The following RUNDC3B variants were observed in gnomAD, a reference collection of about 807,000 sequenced individuals.
RUNDC3B encodes the protein RUN domain-containing protein 3B.
RUNDC3B carries 33 observed loss-of-function variants against 58.4 expected under a neutral mutation model. That is an observed-to-expected ratio of 0.56 (90% CI 0.43 to 0.75). RUNDC3B has a LOEUF of 0.75. Among genes scored for constraint, RUNDC3B ranks in the 30% least tolerant of loss-of-function variants. RUNDC3B has a pLI of 0.00. For synonymous variants in RUNDC3B, 193 were observed against 195.2 expected (o/e 0.99, Z 0.10); for missense variants, 501 against 535.7 (o/e 0.94, Z 0.64).
intron 4 of RUNDC3B, among the ~76,000 whole-genome samples, chr7:87,719,009 A>C (rs1428766189): frequency 3.9e-5 from 6 of 152,084 alleles, no homozygotes; most frequent in Non-Finnish European, 2.9e-5. Context: ...ATTCAACAGT[A>C]CAGTAAACAT....
chr7:87,739,741 A>G (rs746048025), intron 4 of RUNDC3B, 50 bp from the exon 5 acceptor site: 2 of 838,548 alleles, frequency 2.4e-6, no homozygotes, highest in Non-Finnish European at 3.9e-6. Flanking sequence ...TCTCGATCAA[A>G]CTTCCATTTA....
chr7:87,825,663 C>CACTT (rs1394870661), intron 10 of RUNDC3B, among the ~76,000 whole-genome samples: 4 of 152,322 alleles, frequency 2.6e-5, no homozygotes, highest in Admixed American at 6.5e-5. Context: ...AAGCCACAGA[C>CACTT]ACTTAGCACC....
At chr7:87,827,423 A>C (rs1174067184) in intron 10 of RUNDC3B, among the ~76,000 whole-genome samples, 1 of 152,070 alleles carries the variant, frequency 6.6e-6, no homozygotes. Context: ...GGAGGCCGAG[A>C]TTGCAGTGAG....
At chr7:87,635,329 T>A (rs1821658556) in intron 1 of RUNDC3B, among the ~76,000 whole-genome samples, 1 of 152,220 alleles carries the variant, frequency 6.6e-6, no homozygotes, top group Admixed American at 6.5e-5. Context: ...TCACAGAGGG[T>A]CTTGAAGTTA....
intron 6 of RUNDC3B, among the ~76,000 whole-genome samples, chr7:87,757,803 A>G (rs1248595084): frequency 6.6e-6 from 1 of 152,202 alleles, no homozygotes; most frequent in Non-Finnish European, 1.5e-5. Context: ...CAGCATAAAA[A>G]TAGACATACA....
Position 87,628,863 on chromosome 7 carries a change from G to A in RUNDC3B, c.40G>A (p.Gly14Ser). 1 of 1,278,786 alleles carries A rather than the reference G, an allele frequency of 7.8e-7. No homozygotes were observed. The highest frequency in any genetic ancestry group is 9.9e-7 in the Non-Finnish European group (1 of 1,005,216). 79.2% of individuals were successfully genotyped at this position (1,278,786 alleles called of 1,614,324 possible). ...CCTGGGGGGCCTGAGCGGGATCCGCGGCGGTGGCGGCGGAGGCGGCAAGAA... is the reference window on the plus strand; with the variant it reads ...CCTGGGGGGCCTGAGCGGGATCCGCAGCGGTGGCGGCGGAGGCGGCAAGAA... ...RSLGGLSGIRGGGGGGGKKSL... is the reference protein window; with the variant it reads ...RSLGGLSGIRSGGGGGGKKSL... Residue 14 changes from glycine (G) to serine (S), a missense_variant, in exon 1 of 11, where the codon GGC (glycine) becomes AGC (serine). Physicochemically the swap from Gly to Ser is moderately conservative, Grantham distance 56. Coordinates refer to ENST00000394654, the MANE Select transcript of RUNDC3B (RefSeq NM_001134405.2).
chr7:87,772,859 T>C (rs1379617696), intron 7 of RUNDC3B, among the ~76,000 whole-genome samples: 1 of 152,072 alleles, frequency 6.6e-6, no homozygotes, highest in African/African-American at 2.4e-5. Context: ...AGCTGTATGC[T>C]ATTGATAAGA....
At chr7:87,828,931 A>C (rs1837984432) in intron 10 of RUNDC3B, among the ~76,000 whole-genome samples, 1 of 152,190 alleles carries the variant, frequency 6.6e-6, no homozygotes, top group Non-Finnish European at 1.5e-5. Context: ...TTAAAATATC[A>C]GATTGTAAAC....
chr7:87,745,146 C>T (rs1251848649), intron 6 of RUNDC3B, among the ~76,000 whole-genome samples: 1 of 152,054 alleles, frequency 6.6e-6, no homozygotes, highest in Non-Finnish European at 1.5e-5. Flanking sequence ...TTAAAGCATC[C>T]CTGCATCCCT....
chr7:87,792,649 T>A (rs1835588656), intron 8 of RUNDC3B, among the ~76,000 whole-genome samples: 1 of 152,090 alleles, frequency 6.6e-6, no homozygotes, highest in African/African-American at 2.4e-5. Flanking sequence ...TGAAAAAGTT[T>A]ATTGAAACAA....
At chr7:87,709,344 T>C in intron 3 of RUNDC3B, 1 of 985,344 alleles carries the variant, frequency 1.0e-6, no homozygotes, top group African/African-American at 1.7e-5. Context: ...CTGTGTCTTT[T>C]AGATGAAATT....
intron 2 of RUNDC3B, among the ~76,000 whole-genome samples, chr7:87,688,404 A>G (rs1454851046): frequency 6.6e-6 from 1 of 151,918 alleles, no homozygotes; most frequent in Non-Finnish European, 1.5e-5. Context: ...ACATAATCTT[A>G]TGTTAATTTA....
At chr7:87,748,306 G>A (rs1222635730) in intron 6 of RUNDC3B, among the ~76,000 whole-genome samples, 3 of 152,126 alleles carry the variant, frequency 2.0e-5, no homozygotes, top group African/African-American at 4.8e-5. Context: ...TCCCACTTCC[G>A]CAGTTGGGGC....
chr7:87,734,783 C>T (rs749372024), intron 4 of RUNDC3B, among the ~76,000 whole-genome samples: 1 of 152,116 alleles, frequency 6.6e-6, no homozygotes, highest in Non-Finnish European at 1.5e-5. Context: ...TCTGTCCATA[C>T]TGTACTCCAT....
intron 2 of RUNDC3B, among the ~76,000 whole-genome samples, chr7:87,680,088 C>T (rs1217998632): frequency 6.7e-6 from 1 of 150,354 alleles, no homozygotes; most frequent in African/African-American, 2.5e-5. Flanking sequence ...CATGTGTTCT[C>T]GTTGTTCAAC....
intron 2 of RUNDC3B, among the ~76,000 whole-genome samples, chr7:87,669,292 G>T (rs986505998): frequency 6.6e-6 from 1 of 151,976 alleles, no homozygotes; most frequent in Non-Finnish European, 1.5e-5. Context: ...AATTCAGATT[G>T]CAATCCCTTC....
intron 8 of RUNDC3B, among the ~76,000 whole-genome samples, chr7:87,789,955 C>A (rs1466094724): frequency 1.3e-5 from 2 of 152,214 alleles, no homozygotes; most frequent in Admixed American, 1.3e-4. Flanking sequence ...GGGCAACTCA[C>A]TGCCCTGAAG....
At chr7:87,748,541 A>G (rs1470267697) in intron 6 of RUNDC3B, among the ~76,000 whole-genome samples, 1 of 152,188 alleles carries the variant, frequency 6.6e-6, no homozygotes. Flanking sequence ...CTAAAATTTT[A>G]TAATCATGGC....
At chr7:87,814,011 A>G (rs967741374) in intron 9 of RUNDC3B, among the ~76,000 whole-genome samples, 15 of 152,222 alleles carry the variant, frequency 9.9e-5, no homozygotes, top group African/African-American at 3.4e-4. Flanking sequence ...AATGAAAATC[A>G]AGTGAGATTT....
Sources: gnomAD v4.1 joint callset for allele counts (sites outside exome capture counted in the v4.1 genomes callset) on GRCh38, gnomAD v4.1.1 for gene constraint, MANE v1.5 for transcripts, NCBI Gene and HGNC (gene_info 2026-07-23, HGNC 2026-07-21) for gene names.